The following HDX variants were observed in gnomAD, a reference collection of about 807,000 sequenced individuals.
HDX encodes highly divergent homeobox.
In HDX, 19 loss-of-function variants were observed where a neutral mutation model predicts 45.2. The observed-to-expected ratio is 0.42, with a 90% CI of 0.29 to 0.62. HDX has a LOEUF of 0.62. Ranked by LOEUF, HDX falls within the 20% of genes least tolerant of loss-of-function variation. HDX has a pLI of 0.20. For missense variants in HDX, 532 were observed against 493.9 expected, an observed-to-expected ratio of 1.08 and a Z score of -0.73; for synonymous variants, 188 against 172.8, an observed-to-expected ratio of 1.09 and a Z score of -0.69.
chrX:84,325,484 C>T (rs1190149636), intron 10 of HDX, among the ~76,000 whole-genome samples: 6 of 111,287 alleles, frequency 5.4e-5, no homozygotes, highest in Non-Finnish European at 7.6e-5. Flanking sequence ...TATTATAATT[C>T]TATAGTTTTT....
intron 5 of HDX, among the ~76,000 whole-genome samples, chrX:84,411,895 T>C (rs2038993711): frequency 1.8e-5 from 2 of 111,837 alleles, no homozygotes; most frequent in Admixed American, 9.5e-5. Flanking sequence ...TTTTATTACA[T>C]TGACCCTTTA....
chrX:84,323,415 C>T (rs1377914782), intron 10 of HDX, among the ~76,000 whole-genome samples: 1 of 110,710 alleles, frequency 9.0e-6, no homozygotes, highest in Non-Finnish European at 1.9e-5. Context: ...GGATTTAACT[C>T]GCTTTGCAAT....
chrX:84,471,438 T>A (rs904802993), intron 3 of HDX, among the ~76,000 whole-genome samples: 3 of 102,432 alleles, frequency 2.9e-5, no homozygotes, highest in Non-Finnish European at 5.9e-5. Context: ...TTTTATATAT[T>A]ATATATATAT....
chrX:84,483,202 G>A (rs1462807126), intron 2 of HDX, among the ~76,000 whole-genome samples: 2 of 111,500 alleles, frequency 1.8e-5, no homozygotes, highest in Non-Finnish European at 3.8e-5. Context: ...TCATTCTGGT[G>A]TTGAGGACAG....
intron 6 of HDX, among the ~76,000 whole-genome samples, chrX:84,347,299 A>T (rs967833940): frequency 6.3e-5 from 7 of 110,731 alleles, no homozygotes; most frequent in Admixed American, 4.8e-4. Flanking sequence ...GGCTCAAGCA[A>T]TTCTCCCACC....
chrX:84,428,858 T>C (rs1450360575), intron 5 of HDX, among the ~76,000 whole-genome samples: 2 of 110,912 alleles, frequency 1.8e-5, no homozygotes. Context: ...CCTATGATTA[T>C]GTCTACGATC....
chrX:84,360,435 C>A (rs925477314), intron 6 of HDX, among the ~76,000 whole-genome samples: 3 of 111,894 alleles, frequency 2.7e-5, no homozygotes, highest in Non-Finnish European at 5.6e-5. Flanking sequence ...TAAAACACCA[C>A]ACAATTCATT....
intron 5 of HDX, among the ~76,000 whole-genome samples, chrX:84,416,009 C>T (rs928071817): frequency 8.9e-6 from 1 of 112,082 alleles, no homozygotes; most frequent in African/African-American, 3.2e-5. Flanking sequence ...TGGACATAAA[C>T]AGTCTCACAG....
chrX:84,467,558 G>A (rs770409081), intron 4 of HDX, among the ~76,000 whole-genome samples: 2 of 108,196 alleles, frequency 1.8e-5, no homozygotes, highest in South Asian at 4.2e-4. Flanking sequence ...ACCAGGGAGC[G>A]GAGGTTGCAG....
chrX:84,329,441 C>A (rs1326883761), intron 9 of HDX, among the ~76,000 whole-genome samples: 2 of 86,684 alleles, frequency 2.3e-5, no homozygotes, highest in Admixed American at 1.4e-4. Flanking sequence ...TCTTTCTTAA[C>A]GTAAGACTCA....
intron 5 of HDX, among the ~76,000 whole-genome samples, chrX:84,423,483 C>CAAAAA (rs538893311): frequency 3.5e-4 from 21 of 59,462 alleles, no homozygotes; most frequent in South Asian, 1.0e-3. Context: ...ACAGAAACAT[C>CAAAAA]AAAAAAAAAA....
rs190590010 is a variant in HDX at position 84,319,470 on chromosome X, A to G, written c.*2419T>C. The G allele has an allele frequency of 1.5e-3, 167 of 111,755 alleles. 1 individual carries two copies. The highest frequency in any genetic ancestry group is 5.0e-3 in the African/African-American group (156 of 30,996). The allele number at this position is 111,755 out of a possible 1,213,427, so 9.2% of individuals were successfully genotyped here. ...GGCAATTATGATTCTTTTTCTATAG[A>G]TAGAGGTATTTCCTTCAGTTCCTGC... is the stretch of plus-strand genomic sequence containing the variant. On this transcript the variant is annotated 3_prime_UTR_variant, in exon 11 of 11. Transcript: ENST00000373177.
intron 3 of HDX, among the ~76,000 whole-genome samples, chrX:84,469,874 A>C (rs967778323): frequency 8.9e-6 from 1 of 112,000 alleles, no homozygotes; most frequent in Non-Finnish European, 1.9e-5. Context: ...ACTTTGACAT[A>C]GTAAATACAT....
At chrX:84,440,351 AT>A (rs1306308116) in intron 5 of HDX, 180 bp downstream of exon 5, 27 of 407,311 alleles carry the variant, frequency 6.6e-5, no homozygotes, top group Non-Finnish European at 1.1e-4. Context: ...CTACATTATA[AT>A]TAAGATTACA....
At chrX:84,430,617 C>T (rs2039480421) in intron 5 of HDX, among the ~76,000 whole-genome samples, 1 of 110,151 alleles carries the variant, frequency 9.1e-6, no homozygotes, top group African/African-American at 3.3e-5. Context: ...AGTGGTTGTA[C>T]TAGTTTAAAT....
intron 5 of HDX, among the ~76,000 whole-genome samples, chrX:84,399,717 G>A (rs2038653495): frequency 9.0e-6 from 1 of 111,328 alleles, no homozygotes. Context: ...CATTTTATGA[G>A]GCCAGCATCA....
In HDX at chrX:84,409,838, G is replaced by A. The variant is rs1332994325; in HGVS notation, c.1305+30694C>T. 7.5e-5 allele frequency among the ~76,000 whole-genome samples: 8 copies of A among 107,258 alleles called. No homozygotes were observed. In the South Asian group the frequency reaches 1.3e-3, roughly 17 times the overall value. The allele number at this position is 107,258 out of a possible 115,157, so 93.1% of individuals were successfully genotyped here. ...GTATACATAGGTAACAAACCTGCACGTTGTGCACATGTACCCTAAAACTTA... is the reference window on the plus strand; with the variant it reads ...GTATACATAGGTAACAAACCTGCACATTGTGCACATGTACCCTAAAACTTA... On this transcript the variant is annotated intron_variant, in intron 5 of 10. Coordinates refer to ENST00000373177, the MANE Select transcript of HDX (RefSeq NM_001177479.2).
chrX:84,359,642 G>A (rs2037570743), intron 6 of HDX, among the ~76,000 whole-genome samples: 1 of 111,685 alleles, frequency 9.0e-6, no homozygotes, highest in Admixed American at 9.6e-5. Context: ...GAATACTGCT[G>A]CAATGAACAT....
chrX:84,336,233 A>T (rs1329505567), intron 8 of HDX, among the ~76,000 whole-genome samples: 1 of 111,330 alleles, frequency 9.0e-6, no homozygotes, highest in Admixed American at 9.6e-5. Context: ...AGTTTACTCC[A>T]CACACAACCT....
Sources: allele counts gnomAD v4.1 joint callset (sites outside exome capture counted in the v4.1 genomes callset), GRCh38; gene constraint gnomAD v4.1.1; transcripts MANE v1.5; gene names NCBI Gene and HGNC (gene_info 2026-07-23, HGNC 2026-07-21).